The following EXTL3 variants were observed in gnomAD, a reference collection of about 807,000 sequenced individuals.
The protein encoded by EXTL3 is exostosin-like 3.
EXTL3 carries 27 observed loss-of-function variants against 69.3 expected under a neutral mutation model. That is an observed-to-expected ratio of 0.39 (90% CI 0.29 to 0.54). The LOEUF is 0.54. Among genes scored for constraint, EXTL3 ranks in the 20% least tolerant of loss-of-function variants. EXTL3 has a pLI of 0.69. For synonymous variants in EXTL3, 511 were observed against 499.4 expected (o/e 1.02, Z -0.31); for missense variants, 1,003 against 1,231.8 (o/e 0.81, Z 2.78).
intron 1 of EXTL3, among the ~76,000 whole-genome samples, chr8:28,626,708 G>A (rs368770272): frequency 6.6e-6 from 1 of 152,272 alleles, no homozygotes; most frequent in South Asian, 2.1e-4. Flanking sequence ...ACTGGTGAGG[G>A]CAGAGGCACA....
At chr8:28,743,303 T>G in intron 6 of EXTL3, 89 bp downstream of exon 6, 1 of 1,410,412 alleles carries the variant, frequency 7.1e-7, no homozygotes, top group Non-Finnish European at 1.0e-6. Context: ...GCACTGTACC[T>G]CAGAGTCCTC....
rs528077170 is a variant in EXTL3 at position 28,695,129 on chromosome 8, AT to A, written c.-52-18311del. Reference sequence around the variant, plus strand: ...TTCATGTTAGTTTAAGTAAATGAGGATTTTTTTTTTTTTTTTTGAGGCGGAG... The same window carrying A: ...TTCATGTTAGTTTAAGTAAATGAGGATTTTTTTTTTTTTTTTGAGGCGGAG... On this transcript the variant is annotated intron_variant, in intron 1 of 6. Coordinates refer to the EXTL3 transcript ENST00000523149. 4.9e-3 allele frequency among the ~76,000 whole-genome samples: 675 copies of A among 137,836 alleles called. 1 individual carries two copies. Among genetic ancestry groups the A allele is most frequent in the Middle Eastern group, 7.5e-3 (2 of 268 alleles). 90.4% of individuals were successfully genotyped at this position (137,836 alleles called of 152,430 possible). A position where few individuals can be genotyped will look rare whatever the true frequency, so the allele number is the denominator to read the frequency against.
intron 3 of EXTL3, among the ~76,000 whole-genome samples, chr8:28,719,115 T>C (rs1213093206): frequency 6.6e-6 from 1 of 152,212 alleles, no homozygotes; most frequent in African/African-American, 2.4e-5. Context: ...GGCCACACGT[T>C]GCTAGAAGTC....
chr8:28,709,868 G>A lies in EXTL3; in HGVS notation c.-569-3589G>A, dbSNP rs149909215. Reference sequence around the variant, plus strand: ...AGAAGGTGAAGGGGAACACCAGCACGTGCACAGTTCTGGATTGGAACTCTG... The same window carrying A: ...AGAAGGTGAAGGGGAACACCAGCACATGCACAGTTCTGGATTGGAACTCTG... On this transcript the variant is annotated intron_variant, in intron 1 of 6. Coordinates refer to ENST00000220562, the MANE Select transcript of EXTL3 (RefSeq NM_001440.4). Among the ~76,000 whole-genome samples, 993 of 152,234 alleles carry A rather than the reference G, an allele frequency of 6.5e-3. 3 individuals carry two copies. Among genetic ancestry groups the A allele is most frequent in the Non-Finnish European group, 0.011 (741 of 68,006 alleles).
rs570601838 is a variant in EXTL3, at chr8:28,670,745, C to T, written c.-52-42712C>T. ...GCACAGCAGGCTTTACTCAGTCTCTCGATTCCAATGTTAATGTCATCCCCA... is the reference window on the plus strand; with the variant it reads ...GCACAGCAGGCTTTACTCAGTCTCTTGATTCCAATGTTAATGTCATCCCCA... On this transcript the variant is annotated intron_variant, in intron 1 of 6. Coordinates refer to the EXTL3 transcript ENST00000523149. 7.2e-5 allele frequency among the ~76,000 whole-genome samples: 11 copies of T among 152,280 alleles called. No homozygotes were observed. The East Asian group carries it at 1.7e-3, about 24-fold the overall frequency.
Position 28,751,760 on chromosome 8 carries a change from T to G in EXTL3, c.*894T>G, listed in dbSNP as rs1802011056. On this transcript the variant is annotated 3_prime_UTR_variant, in exon 7 of 7. Transcript: ENST00000220562. The stretch of plus-strand genomic sequence containing the variant: ...AAGACGCCACTCCCAGATGGCTCTT[T>G]CTATCCTGCTCTTCTGTTGAAACAC... 6.6e-6 allele frequency: 1 copy of G among 152,240 alleles called. No individual in the cohort carries two copies. The highest frequency in any genetic ancestry group is 1.5e-5 in the Non-Finnish European group (1 of 68,058). The allele number at this position is 152,240 out of a possible 1,614,324, so 9.4% of individuals were successfully genotyped here.
chr8:28,611,957 A>G (rs1288898451), intron 2 of EXTL3, among the ~76,000 whole-genome samples: 1 of 152,212 alleles, frequency 6.6e-6, no homozygotes, highest in African/African-American at 2.4e-5. Context: ...CTTTGCCAAC[A>G]GCAAAGAGAA....
intron 1 of EXTL3, among the ~76,000 whole-genome samples, chr8:28,636,781 C>G (rs917589977): frequency 6.6e-6 from 1 of 152,128 alleles, no homozygotes; most frequent in African/African-American, 2.4e-5. Context: ...GAGGCTGAGA[C>G]AGGTGGATCA....
At chr8:28,614,272 CTTTTT>C (rs35659799) in intron 2 of EXTL3, among the ~76,000 whole-genome samples, 1 of 104,902 alleles carries the variant, frequency 9.5e-6, no homozygotes, top group Admixed American at 9.6e-5. Flanking sequence ...GGGTTTTTTG[CTTTTT>C]TTTTTTTTTT....
At chr8:28,641,002 G>A (rs780433910) in intron 1 of EXTL3, among the ~76,000 whole-genome samples, 1 of 152,006 alleles carries the variant, frequency 6.6e-6, no homozygotes, top group Non-Finnish European at 1.5e-5. Flanking sequence ...TTTTTAAAAT[G>A]TACTTTTGGA....
In EXTL3 at chr8:28,705,821, C is replaced by T. The variant is rs538446767; in HGVS notation, c.-570+4162C>T. ...TTATTTGAAAACCTTGTTTCTACAT[C>T]GCTACCCAGCCCTTATGAAAATGAC... On this transcript the variant is annotated intron_variant, in intron 1 of 6. Transcript: ENST00000220562. Among the ~76,000 whole-genome samples the T allele has an allele frequency of 6.5e-4, 99 of 152,276 alleles. No individual in the cohort carries two copies. In the Middle Eastern group the frequency reaches 0.014, roughly 21 times the overall value.
At chr8:28,661,657 A>C (rs1807117247) in intron 1 of EXTL3, among the ~76,000 whole-genome samples, 1 of 151,840 alleles carries the variant, frequency 6.6e-6, no homozygotes, top group African/African-American at 2.4e-5. Context: ...AGGTGGGTGG[A>C]TCATTTGAGG....
At chr8:28,680,125 C>T (rs1384840710) in intron 1 of EXTL3, among the ~76,000 whole-genome samples, 1 of 151,624 alleles carries the variant, frequency 6.6e-6, no homozygotes, top group African/African-American at 2.4e-5. Context: ...GGCTCGGTGG[C>T]TTATGCCTAT....
At chr8:28,668,324 CTTTT>C (rs71549687) in intron 1 of EXTL3, among the ~76,000 whole-genome samples, 12 of 82,556 alleles carry the variant, frequency 1.5e-4, no homozygotes, top group African/African-American at 5.3e-4. Flanking sequence ...AGAGTTGTTA[CTTTT>C]TTTTTTTTTT....
intron 1 of EXTL3, among the ~76,000 whole-genome samples, chr8:28,693,818 C>T (rs1403212031): frequency 2.0e-5 from 3 of 152,220 alleles, no homozygotes; most frequent in African/African-American, 7.2e-5. Context: ...GAAGAGTAAC[C>T]TTGGAACCTC....
At chr8:28,710,548 T>G (rs1801011686) in intron 1 of EXTL3, 1 of 450,634 alleles carries the variant, frequency 2.2e-6, no homozygotes, top group East Asian at 7.0e-5. Context: ...ATTACCCTAA[T>G]ATTGTGTTAA....
chr8:28,714,912 C>T (rs375323919), intron 2 of EXTL3, among the ~76,000 whole-genome samples: 1 of 152,300 alleles, frequency 6.6e-6, no homozygotes, highest in South Asian at 2.1e-4. Flanking sequence ...AGAAGGAGAA[C>T]GAATGCCTCT....
At chr8:28,742,483 C>T (rs1801800459) in intron 5 of EXTL3, 1 of 166,322 alleles carries the variant, frequency 6.0e-6, no homozygotes, top group South Asian at 1.6e-4. Flanking sequence ...AGTGTTAACA[C>T]AATCACCTGC....
intron 1 of EXTL3, among the ~76,000 whole-genome samples, chr8:28,687,784 G>A (rs1211055596): frequency 6.6e-6 from 1 of 152,138 alleles, no homozygotes; most frequent in East Asian, 1.9e-4. Context: ...ATGGGGAGAG[G>A]CAATGCCATG....
Sources: gnomAD v4.1 joint callset for allele counts (sites outside exome capture counted in the v4.1 genomes callset) on GRCh38, gnomAD v4.1.1 for gene constraint, MANE v1.5 for transcripts, NCBI Gene and HGNC (gene_info 2026-07-23, HGNC 2026-07-21) for gene names.